Variants in SPAG16 observed in about 807,000 individuals in gnomAD.
The protein encoded by SPAG16 is sperm-associated antigen 16 protein.
SPAG16 carries 86 observed loss-of-function variants against 80.4 expected under a neutral mutation model. That is an observed-to-expected ratio of 1.07 (90% CI 0.90 to 1.28). SPAG16 has a LOEUF of 1.28. Among genes scored for constraint, SPAG16 ranks in the 50% most tolerant of loss-of-function variants. The pLI is 0.00. For missense variants in SPAG16, 870 were observed against 765.3 expected (o/e 1.14, Z -1.61); for synonymous variants, 294 against 265.9 (o/e 1.11, Z -1.03).
intron 13 of SPAG16, among the ~76,000 whole-genome samples, chr2:214,087,493 T>G (rs955435957): frequency 6.6e-6 from 1 of 152,126 alleles, no homozygotes; most frequent in African/African-American, 2.4e-5. Context: ...TAAAGGTATA[T>G]AGATAAGAAT....
intron 10 of SPAG16, among the ~76,000 whole-genome samples, chr2:213,850,248 G>T (rs555171970): frequency 3.5e-4 from 53 of 152,162 alleles, no homozygotes; most frequent in Admixed American, 5.2e-4. Flanking sequence ...TGTGTGGATT[G>T]TCGGAAAACT....
intron 13 of SPAG16, among the ~76,000 whole-genome samples, chr2:214,047,976 A>G (rs531704839): frequency 9.8e-5 from 15 of 152,330 alleles, no homozygotes; most frequent in African/African-American, 3.1e-4. Flanking sequence ...GTGCAAATCA[A>G]TGCTACAATG....
At chr2:214,146,827 C>T (rs796949741) in intron 14 of SPAG16, among the ~76,000 whole-genome samples, 12 of 152,000 alleles carry the variant, frequency 7.9e-5, no homozygotes, top group South Asian at 2.1e-4. Flanking sequence ...AGTGAAACCC[C>T]GTCTCTACTA....
intron 9 of SPAG16, among the ~76,000 whole-genome samples, chr2:213,390,770 A>T (rs2067701227): frequency 6.6e-6 from 1 of 152,212 alleles, no homozygotes. Flanking sequence ...TGCCATTAAT[A>T]ACTTATGATG....
chr2:214,052,562 A>G (rs2049707372), intron 13 of SPAG16, among the ~76,000 whole-genome samples: 1 of 152,244 alleles, frequency 6.6e-6, no homozygotes, highest in Non-Finnish European at 1.5e-5. Flanking sequence ...GGTCCAGTCT[A>G]TATATCCCAG....
At chr2:213,547,918 A>T (rs1360440842) in intron 10 of SPAG16, among the ~76,000 whole-genome samples, 1 of 152,198 alleles carries the variant, frequency 6.6e-6, no homozygotes, top group Non-Finnish European at 1.5e-5. Flanking sequence ...AGAACTTCAT[A>T]TCTACATTGT....
chr2:214,262,566 A>G (rs909640664), intron 15 of SPAG16, among the ~76,000 whole-genome samples: 1 of 152,082 alleles, frequency 6.6e-6, no homozygotes, highest in Non-Finnish European at 1.5e-5. Flanking sequence ...AAGTTTTCTC[A>G]GGATGATGAA....
intron 9 of SPAG16, among the ~76,000 whole-genome samples, chr2:213,438,450 A>T (rs2070759892): frequency 6.6e-6 from 1 of 152,236 alleles, no homozygotes; most frequent in Non-Finnish European, 1.5e-5. Context: ...AACAAGTTTT[A>T]TTTGAACATA....
chr2:213,733,499 A>AT (rs60768952), intron 10 of SPAG16, among the ~76,000 whole-genome samples: 4,615 of 123,132 alleles, frequency 0.037, 224 homozygotes, highest in African/African-American at 0.11. Flanking sequence ...TTATGAAGGG[A>AT]TTTTTTTTTT....
intron 9 of SPAG16, among the ~76,000 whole-genome samples, chr2:213,445,841 A>C (rs978933614): frequency 6.6e-6 from 1 of 152,186 alleles, no homozygotes; most frequent in East Asian, 1.9e-4. Flanking sequence ...ATGCTTGTAC[A>C]CTGTTGGTGG....
chr2:214,215,106 A>C (rs1454827494), intron 15 of SPAG16, among the ~76,000 whole-genome samples: 1 of 152,122 alleles, frequency 6.6e-6, no homozygotes, highest in Non-Finnish European at 1.5e-5. Flanking sequence ...AGAAAAAGAC[A>C]TTGCCAGAAA....
chr2:214,239,095 G>A (rs1431947149), intron 15 of SPAG16: 1 of 152,032 alleles, frequency 6.6e-6, no homozygotes, highest in Non-Finnish European at 1.5e-5. Flanking sequence ...CAATAGCACA[G>A]TCAGAGCATA....
intron 15 of SPAG16, among the ~76,000 whole-genome samples, chr2:214,254,743 A>G (rs1041112710): frequency 1.3e-5 from 2 of 152,054 alleles, no homozygotes; most frequent in Non-Finnish European, 2.9e-5. Flanking sequence ...AATTAATTAC[A>G]GTCATATTTA....
At chr2:213,921,936 T>C (rs1376089732) in intron 11 of SPAG16, among the ~76,000 whole-genome samples, 1 of 152,206 alleles carries the variant, frequency 6.6e-6, no homozygotes, top group Non-Finnish European at 1.5e-5. Context: ...CTGTCTCTTC[T>C]CTCTAATTGC....
intron 15 of SPAG16, among the ~76,000 whole-genome samples, chr2:214,282,766 G>A (rs1179210420): frequency 6.6e-6 from 1 of 152,168 alleles, no homozygotes; most frequent in African/African-American, 2.4e-5. Flanking sequence ...CTTAGGATAT[G>A]AGGAGTAATT....
At chr2:213,430,264 C>G (rs377581833) in intron 9 of SPAG16, among the ~76,000 whole-genome samples, 1 of 152,144 alleles carries the variant, frequency 6.6e-6, no homozygotes, top group African/African-American at 2.4e-5. Context: ...AACGTGAAGA[C>G]AGGTCTTTTG....
At chr2:214,189,658 A>G (rs1241558701) in intron 15 of SPAG16, among the ~76,000 whole-genome samples, 1 of 152,066 alleles carries the variant, frequency 6.6e-6, no homozygotes, top group Admixed American at 6.6e-5. Flanking sequence ...TGAATGCATA[A>G]ACACCTTTTT....
At chr2:213,472,244 A>G (rs1358291688) in intron 9 of SPAG16, among the ~76,000 whole-genome samples, 1 of 152,118 alleles carries the variant, frequency 6.6e-6, no homozygotes, top group Non-Finnish European at 1.5e-5. Flanking sequence ...GGCCTTATGG[A>G]CAGGAATGGA....
intron 15 of SPAG16, among the ~76,000 whole-genome samples, chr2:214,331,408 T>A (rs1367390169): frequency 6.6e-6 from 1 of 152,184 alleles, no homozygotes; most frequent in African/African-American, 2.4e-5. Flanking sequence ...AATCACAGCT[T>A]AAAGTTTAAT....
Sources: gnomAD v4.1 joint callset for allele counts (sites outside exome capture counted in the v4.1 genomes callset) on GRCh38, gnomAD v4.1.1 for gene constraint, MANE v1.5 for transcripts, NCBI Gene and HGNC (gene_info 2026-07-23, HGNC 2026-07-21) for gene names.